THRB: variants seen among roughly 807,000 people sequenced by gnomAD.
THRB encodes thyroid hormone receptor beta, also known as nuclear receptor subfamily 1 group A member 2.
THRB carries 12 observed loss-of-function variants against 47.8 expected under a neutral mutation model. The observed-to-expected ratio is 0.25, with a 90% CI of 0.16 to 0.41. THRB has a LOEUF of 0.41. Ranked by LOEUF, THRB falls within the 10% of genes least tolerant of loss-of-function variation. The probability of loss-of-function intolerance (pLI) is 1.00; values close to 1 mark genes in which losing one functional copy is unlikely to be tolerated. For missense variants in THRB, 348 were observed against 589.2 expected (o/e 0.59, Z 4.24); for synonymous variants, 218 against 212.2 (o/e 1.03, Z -0.24).
At position 24,440,014 on chromosome 3, in the gene THRB, T is replaced by G. The variant is rs988114732; in HGVS notation, c.-261+54638A>C. Among the ~76,000 whole-genome samples, 16 of 152,354 alleles carry G rather than the reference T, an allele frequency of 1.1e-4. No homozygotes were observed. The East Asian group carries it at 3.1e-3, about 29-fold the overall frequency. On this transcript the variant is annotated intron_variant, in intron 1 of 10. Transcript: ENST00000646209. ...GCAGTTCAATTAATGCAGTCTAAAATTAACTTCATGATTTAAATAAACTCT... is the reference window on the plus strand; with the variant it reads ...GCAGTTCAATTAATGCAGTCTAAAAGTAACTTCATGATTTAAATAAACTCT...
intron 3 of THRB, among the ~76,000 whole-genome samples, chr3:24,289,153 G>A (rs1322499103): frequency 6.6e-6 from 1 of 152,126 alleles, no homozygotes; most frequent in Non-Finnish European, 1.5e-5. Context: ...GGACAGACGA[G>A]GGCTTCATTA....
At chr3:24,442,061 A>G (rs1459029664) in intron 1 of THRB, among the ~76,000 whole-genome samples, 1 of 152,096 alleles carries the variant, frequency 6.6e-6, no homozygotes, top group Non-Finnish European at 1.5e-5. Context: ...AAATACCTGT[A>G]GTATCCTTTT....
rs190558418 is a variant in THRB, at chr3:24,226,440, T to C, written c.22+2498A>G. 3.9e-5 allele frequency among the ~76,000 whole-genome samples: 6 copies of C among 152,340 alleles called. No individual in the cohort carries two copies. In the East Asian group the frequency reaches 9.6e-4, roughly 24 times the overall value. On this transcript the variant is annotated intron_variant, in intron 4 of 10. Coordinates refer to ENST00000646209, the MANE Select transcript of THRB (RefSeq NM_001354712.2). ...TTTCTCATATGAGCCCACTAACGTA[T>C]ACTGTACATGTATGTGTCTGGAGTA...
chr3:24,196,821 CATCATTTT>C (rs2044008760), intron 4 of THRB, among the ~76,000 whole-genome samples: 1 of 152,190 alleles, frequency 6.6e-6, no homozygotes, highest in South Asian at 2.1e-4. Context: ...TTTGCCTGAC[CATCATTTT>C]ATCTGGCTTG....
chr3:24,127,788 A>C (rs528213085), intron 9 of THRB, 31 bp from the exon 10 acceptor site: 1 of 1,614,112 alleles, frequency 6.2e-7, no homozygotes, highest in East Asian at 2.2e-5. Flanking sequence ...TCAGCAAAGA[A>C]CAAATGCAAA....
chr3:24,299,988 A>T (rs1211088775), intron 2 of THRB, among the ~76,000 whole-genome samples: 1 of 151,790 alleles, frequency 6.6e-6, no homozygotes, highest in African/African-American at 2.4e-5. Flanking sequence ...AATGGCATAA[A>T]ATTTTTCTCA....
chr3:24,414,664 A>C (rs1292856688), intron 1 of THRB, among the ~76,000 whole-genome samples: 1 of 151,916 alleles, frequency 6.6e-6, no homozygotes, highest in African/African-American at 2.4e-5. Context: ...TGCAACAGCC[A>C]CGTAATTCCT....
chr3:24,413,810 T>C (rs112897671), intron 1 of THRB, among the ~76,000 whole-genome samples: 2 of 151,758 alleles, frequency 1.3e-5, no homozygotes, highest in African/African-American at 2.4e-5. Flanking sequence ...AGTGAGAACA[T>C]ACCCCATGGA....
chr3:24,161,035 A>T (rs1021169051), intron 5 of THRB, among the ~76,000 whole-genome samples: 1 of 152,264 alleles, frequency 6.6e-6, no homozygotes, highest in Non-Finnish European at 1.5e-5. Flanking sequence ...CTCAGGAAAG[A>T]AAAGGAAAGA....
At position 24,334,881 on chromosome 3, in the gene THRB, G is replaced by A. The variant is rs181802716; in HGVS notation, c.-189+2419C>T. Among the ~76,000 whole-genome samples, 14 of 152,280 alleles carry A rather than the reference G, an allele frequency of 9.2e-5. No individual in the cohort carries two copies. In the East Asian group the frequency reaches 9.6e-4, roughly 10 times the overall value. ...GGCAAAGTCCAGCATAGTTAAAAGC[G>A]TAGAATTCCATGTCACCTGGCTTAT... On this transcript the variant is annotated intron_variant, in intron 2 of 10. Coordinates refer to ENST00000646209, the MANE Select transcript of THRB (RefSeq NM_001354712.2).
intron 3 of THRB, among the ~76,000 whole-genome samples, chr3:24,266,596 G>A (rs528527514): frequency 1.3e-5 from 2 of 152,302 alleles, no homozygotes; most frequent in East Asian, 3.9e-4. Context: ...AGGATCCACT[G>A]CAGCTGATGG....
At chr3:24,305,622 T>A (rs1441080485) in intron 2 of THRB, among the ~76,000 whole-genome samples, 1 of 152,196 alleles carries the variant, frequency 6.6e-6, no homozygotes, top group African/African-American at 2.4e-5. Flanking sequence ...AAAAGCAAAC[T>A]GGTTATAATG....
At chr3:24,436,697 C>A (rs1183357555) in intron 1 of THRB, among the ~76,000 whole-genome samples, 1 of 152,178 alleles carries the variant, frequency 6.6e-6, no homozygotes, top group East Asian at 1.9e-4. Context: ...ATGCATAGAG[C>A]ACACGTTATT....
intron 2 of THRB, among the ~76,000 whole-genome samples, chr3:24,328,766 C>G (rs879469681): frequency 6.6e-6 from 1 of 152,190 alleles, no homozygotes; most frequent in Non-Finnish European, 1.5e-5. Flanking sequence ...TACCTCCAAC[C>G]TACCTGTCTT....
chr3:24,466,249 T>A (rs946644341), intron 1 of THRB, among the ~76,000 whole-genome samples: 1 of 152,182 alleles, frequency 6.6e-6, no homozygotes, highest in African/African-American at 2.4e-5. Context: ...TATCTTGGGT[T>A]TTATTGTTTT....
intron 4 of THRB, among the ~76,000 whole-genome samples, chr3:24,209,339 G>A (rs1319393901): frequency 6.6e-6 from 1 of 152,148 alleles, no homozygotes; most frequent in East Asian, 1.9e-4. Flanking sequence ...TATACCCAAA[G>A]GATTATAAAT....
intron 3 of THRB, among the ~76,000 whole-genome samples, chr3:24,230,550 C>G (rs1036417150): frequency 2.0e-5 from 3 of 152,156 alleles, no homozygotes; most frequent in African/African-American, 7.2e-5. Flanking sequence ...GTTCACCTGT[C>G]CAGCAGCATT....
chr3:24,448,052 T>G (rs1180601521), intron 1 of THRB, among the ~76,000 whole-genome samples: 1 of 152,082 alleles, frequency 6.6e-6, no homozygotes, highest in African/African-American at 2.4e-5. Flanking sequence ...AAGCAACTAC[T>G]TATTTCTTTA....
intron 3 of THRB, among the ~76,000 whole-genome samples, chr3:24,280,572 A>T (rs538559396): frequency 0.02 from 3,043 of 152,348 alleles, 49 homozygotes; most frequent in Non-Finnish European, 0.033. Context: ...CAGCAACAGA[A>T]CAAAGCTGGA....
Sources: allele counts gnomAD v4.1 joint callset (sites outside exome capture counted in the v4.1 genomes callset), GRCh38; gene constraint gnomAD v4.1.1; transcripts MANE v1.5; gene names NCBI Gene and HGNC (gene_info 2026-07-23, HGNC 2026-07-21).